The following TCN2 variants were observed in gnomAD, a reference collection of about 807,000 sequenced individuals.
The protein encoded by TCN2 is transcobalamin-2.
In TCN2, 34 loss-of-function variants were observed where a neutral mutation model predicts 48.6. That is an observed-to-expected ratio of 0.70 (90% CI 0.53 to 0.93). The LOEUF (loss-of-function observed/expected upper bound fraction) is 0.93. TCN2 is among the 40% of genes least tolerant of loss of function. The pLI is 0.00. For missense variants in TCN2, 652 were observed against 526.1 expected, an observed-to-expected ratio of 1.24 and a Z score of -2.34; for synonymous variants, 283 against 212.5, an observed-to-expected ratio of 1.33 and a Z score of -2.89.
At chr22:30,623,920 ATATATG>A (rs1423271741) in intron 8 of TCN2, among the ~76,000 whole-genome samples, 1 of 27,694 alleles carries the variant, frequency 3.6e-5, no homozygotes, top group Non-Finnish European at 6.6e-5. Context: ...ATACACACAT[ATATATG>A]TATACATATA....
At chr22:30,618,927 A>G (rs1323794259) in intron 7 of TCN2, among the ~76,000 whole-genome samples, 2 of 151,858 alleles carry the variant, frequency 1.3e-5, no homozygotes, top group Non-Finnish European at 2.9e-5. Context: ...GCACCACCAT[A>G]CCTGGCTAAT....
chr22:30,609,291 C>T (rs964611828), intron 1 of TCN2, among the ~76,000 whole-genome samples: 1 of 152,052 alleles, frequency 6.6e-6, no homozygotes, highest in African/African-American at 2.4e-5. Context: ...GCGTGAGCCA[C>T]TCTGTCTGGC....
chr22:30,623,875 C>T (rs1315801072), intron 8 of TCN2, among the ~76,000 whole-genome samples: 9 of 37,462 alleles, frequency 2.4e-4, no homozygotes, highest in Non-Finnish European at 3.6e-4. Flanking sequence ...CATATATACA[C>T]ACATATATAC....
At chr22:30,615,070 T>C (rs2087592576) in intron 4 of TCN2, among the ~76,000 whole-genome samples, 1 of 152,130 alleles carries the variant, frequency 6.6e-6, no homozygotes, top group Non-Finnish European at 1.5e-5. Flanking sequence ...CCAAACCAGT[T>C]TGCCCAGAAA....
chr22:30,607,239 GC>G lies in TCN2; in HGVS notation c.-92del. The G allele has an allele frequency of 1.5e-6, 2 of 1,339,312 alleles. No homozygotes were observed. The highest frequency in any genetic ancestry group is 2.3e-5 in the South Asian group (2 of 85,466). The allele number at this position is 1,339,312 out of a possible 1,614,324, so 83.0% of individuals were successfully genotyped here. On this transcript the variant is annotated 5_prime_UTR_variant, in exon 1 of 9. Transcript: ENST00000215838. ...GTGACAGGAAGCTGCGTCTCTCGGA[GC>G]GGTGACCAGCTGTGGTCAGGAGAGC...
At chr22:30,623,307 A>C in intron 8 of TCN2, 1 of 549,412 alleles carries the variant, frequency 1.8e-6, no homozygotes, top group Non-Finnish European at 3.2e-6. Context: ...AAAAAAAAAA[A>C]AAAACTAGAA....
At chr22:30,616,645 C>T (rs375376684) in intron 6 of TCN2, among the ~76,000 whole-genome samples, 6 of 151,996 alleles carry the variant, frequency 3.9e-5, no homozygotes, top group South Asian at 2.1e-4. Context: ...TACTAAAATA[C>T]GAAAGATTAG....
chr22:30,613,774 G>T (rs530662599), intron 3 of TCN2, among the ~76,000 whole-genome samples: 3 of 152,226 alleles, frequency 2.0e-5, no homozygotes, highest in African/African-American at 7.2e-5. Context: ...CTTAAACCCT[G>T]CAGGGGCCTC....
intron 6 of TCN2, 38 bp from the exon 7 acceptor site, chr22:30,617,292 C>T: frequency 6.2e-7 from 1 of 1,613,826 alleles, no homozygotes; most frequent in South Asian, 1.1e-5. Context: ...GGCTCTCTGT[C>T]CTCACACCAG....
intron 1 of TCN2, 101 bp downstream of exon 1, chr22:30,607,496 A>G: frequency 2.2e-6 from 3 of 1,347,306 alleles, no homozygotes; most frequent in Non-Finnish European, 2.1e-6. Context: ...CTAAGCTCCC[A>G]TAGCAGTTTG....
chr22:30,617,228 G>A (rs1046317568), intron 6 of TCN2, 102 bp from the exon 7 acceptor site: 79 of 1,509,216 alleles, frequency 5.2e-5, no homozygotes, highest in Non-Finnish European at 6.7e-5. Flanking sequence ...TGAGGACATG[G>A]GGAAGGACAA....
At chr22:30,608,094 G>A (rs2087480501) in intron 1 of TCN2, among the ~76,000 whole-genome samples, 1 of 152,178 alleles carries the variant, frequency 6.6e-6, no homozygotes, top group Non-Finnish European at 1.5e-5. Flanking sequence ...ATGAGTCTGA[G>A]CTTAGAGGCT....
chr22:30,626,382 T>TG (rs913908386), intron 8 of TCN2, 78 bp from the exon 9 acceptor site: 32 of 1,466,660 alleles, frequency 2.2e-5, no homozygotes, highest in African/African-American at 6.9e-5. Flanking sequence ...AGCCTCAGGG[T>TG]GGGGGGTCTG....
rs1296829937 is a variant in TCN2, at chr22:30,615,872, C to G, written c.940+85C>G. ...CCCAGTGAGGGGAGGTTGCTTCATC[C>G]TGATTTGCTGAGTCAGCACAAGATT... is the stretch of plus-strand genomic sequence containing the variant. On this transcript the variant is annotated intron_variant, in intron 6 of 8. Transcript: ENST00000215838. 4 of 1,546,370 alleles carry G rather than the reference C, an allele frequency of 2.6e-6. No individual in the cohort carries two copies. The African/African-American group carries it at 4.1e-5, about 16-fold the overall frequency.
chr22:30,609,507 G>T (rs989718054), intron 1 of TCN2, among the ~76,000 whole-genome samples: 1 of 152,010 alleles, frequency 6.6e-6, no homozygotes, highest in Non-Finnish European at 1.5e-5. Flanking sequence ...CTGACTCATC[G>T]TGCTGGAAGT....
rs752115160 is a variant in TCN2, at chr22:30,615,591, C to CT, written c.754-9dup. The CT allele has an allele frequency of 4.3e-6, 7 of 1,614,148 alleles. No homozygotes were observed. In the South Asian group the frequency reaches 4.4e-5, roughly 10 times the overall value. ...TGACTTCCTCTCTCTCTTCCTCACT[C>CT]TATCACCAGTTCCTCATGACTTCCC... is the stretch of plus-strand genomic sequence containing the variant. On this transcript the variant is annotated splice_polypyrimidine_tract_variant and intron_variant, in intron 5 of 8. Transcript: ENST00000215838.
chr22:30,609,023 T>C (rs7286107), intron 1 of TCN2, among the ~76,000 whole-genome samples: 10,169 of 151,946 alleles, frequency 0.067, 1,209 homozygotes, highest in African/African-American at 0.24. Flanking sequence ...TCCTCCTCGG[T>C]GTAGTACAAG....
intron 6 of TCN2, among the ~76,000 whole-genome samples, chr22:30,616,351 C>T (rs2087612695): frequency 2.0e-5 from 3 of 151,710 alleles, no homozygotes. Context: ...GGTGTGGTGG[C>T]GAGTGCCTGT....
In TCN2 at chr22:30,621,381, A is replaced by T. The variant is rs140760065; in HGVS notation, c.1107-1587A>T. Reference sequence around the variant, plus strand: ...TACCCCAGAGAGCACTTTGTAGAAGATGCGTTTGTTCACATCACTTCCCTG... The same window carrying T: ...TACCCCAGAGAGCACTTTGTAGAAGTTGCGTTTGTTCACATCACTTCCCTG... On this transcript the variant is annotated intron_variant, in intron 7 of 8. Transcript: ENST00000215838. 4.9e-3 allele frequency among the ~76,000 whole-genome samples: 742 copies of T among 152,314 alleles called. 7 individuals are homozygous for T. The highest frequency in any genetic ancestry group is 0.026 in the South Asian group (124 of 4,830).
Sources: gnomAD v4.1 joint callset for allele counts (sites outside exome capture counted in the v4.1 genomes callset) on GRCh38, gnomAD v4.1.1 for gene constraint, MANE v1.5 for transcripts, NCBI Gene and HGNC (gene_info 2026-07-23, HGNC 2026-07-21) for gene names.